Variants in HLTF observed in about 807,000 individuals in gnomAD.
The protein encoded by HLTF is helicase like transcription factor, also known as DNA-dependent ATPase/E3 ubiquitin-protein ligase HLTF.
HLTF carries 127 observed loss-of-function variants against 129.4 expected under a neutral mutation model. That is an observed-to-expected ratio of 0.98 (90% CI 0.85 to 1.14). The LOEUF (loss-of-function observed/expected upper bound fraction) is 1.14. HLTF is among the 50% of genes most tolerant of loss of function. HLTF has a pLI of 0.00. For missense variants in HLTF, 1,139 were observed against 1,187.1 expected (o/e 0.96, Z 0.60); for synonymous variants, 332 against 388.8 (o/e 0.85, Z 1.72).
intron 13 of HLTF, among the ~76,000 whole-genome samples, chr3:149,059,005 GCT>G (rs1717703833): frequency 6.6e-6 from 1 of 152,122 alleles, no homozygotes; most frequent in African/African-American, 2.4e-5. Flanking sequence ...CCAAAAGTCG[GCT>G]CTTTCTCATG....
chr3:149,043,547 GA>G (rs35953851), intron 18 of HLTF, among the ~76,000 whole-genome samples: 6,123 of 83,664 alleles, frequency 0.073, 125 homozygotes, highest in African/African-American at 0.12. Context: ...ACTTCAGAGG[GA>G]AAAAAAAAAA....
At chr3:149,046,004 C>A in intron 18 of HLTF, 76 bp downstream of exon 18, 1 of 1,057,946 alleles carries the variant, frequency 9.5e-7, no homozygotes, top group East Asian at 2.5e-5. Context: ...GCTAACACAT[C>A]TAAATAATGT....
intron 14 of HLTF, among the ~76,000 whole-genome samples, 198 bp downstream of exon 14, chr3:149,055,105 T>G (rs1293163934): frequency 6.6e-6 from 1 of 152,214 alleles, no homozygotes; most frequent in Non-Finnish European, 1.5e-5. Flanking sequence ...CTTTACCTTC[T>G]TCTCTACTAC....
intron 23 of HLTF, among the ~76,000 whole-genome samples, chr3:149,037,701 T>C (rs562913201): frequency 6.6e-6 from 1 of 152,270 alleles, no homozygotes; most frequent in Non-Finnish European, 1.5e-5. Context: ...TCAGTAGAAT[T>C]CCTACATGTT....
intron 13 of HLTF, 144 bp from the exon 14 acceptor site, chr3:149,055,544 A>G (rs528761408): frequency 1.6e-6 from 1 of 609,690 alleles, no homozygotes; most frequent in South Asian, 2.2e-5. Context: ...CAGGGAATAA[A>G]TTTTACCTCA....
At chr3:149,079,599 T>C (rs1576627847) in intron 2 of HLTF, among the ~76,000 whole-genome samples, 1 of 152,002 alleles carries the variant, frequency 6.6e-6, no homozygotes, top group South Asian at 2.1e-4. Flanking sequence ...GGGTTTTCTT[T>C]GTTGTTGTTT....
At chr3:149,052,731 GA>G (rs1446894692) in intron 14 of HLTF, among the ~76,000 whole-genome samples, 2 of 152,162 alleles carry the variant, frequency 1.3e-5, no homozygotes, top group East Asian at 3.8e-4. Flanking sequence ...ATTTCTTATA[GA>G]AATTTGGTAA....
At chr3:149,069,891 A>G (rs922625411) in intron 7 of HLTF, among the ~76,000 whole-genome samples, 3 of 152,254 alleles carry the variant, frequency 2.0e-5, no homozygotes, top group African/African-American at 7.2e-5. Flanking sequence ...CCCAAAATGT[A>G]AATGATTTTC....
intron 2 of HLTF, among the ~76,000 whole-genome samples, chr3:149,082,127 T>C (rs1352372053): frequency 1.3e-5 from 2 of 152,204 alleles, no homozygotes; most frequent in Non-Finnish European, 2.9e-5. Flanking sequence ...TCAATGTATA[T>C]GAAGTTCTAG....
intron 9 of HLTF, 39 bp downstream of exon 9, chr3:149,064,751 AC>A: frequency 8.6e-7 from 1 of 1,164,916 alleles, no homozygotes; most frequent in Non-Finnish European, 1.3e-6. Context: ...ATTAAAGTTT[AC>A]CAGATCAAAT....
rs540805982 is a variant in HLTF at position 149,078,531 on chromosome 3, T to C, written c.229-2484A>G. Reference sequence around the variant, plus strand: ...CGCCACTGCACTCCAGCCTGGGTAATAGAGCAAGAACCTATCTCTAAAAAA... The same window carrying C: ...CGCCACTGCACTCCAGCCTGGGTAACAGAGCAAGAACCTATCTCTAAAAAA... On this transcript the variant is annotated intron_variant, in intron 2 of 24. Coordinates refer to ENST00000310053, the MANE Select transcript of HLTF (RefSeq NM_003071.4). 2.3e-4 allele frequency among the ~76,000 whole-genome samples: 34 copies of C among 148,142 alleles called. No individual in the cohort carries two copies. The South Asian group carries it at 6.3e-3, about 27-fold the overall frequency.
At chr3:149,082,560 G>A (rs911034809) in intron 2 of HLTF, among the ~76,000 whole-genome samples, 1 of 152,074 alleles carries the variant, frequency 6.6e-6, no homozygotes, top group East Asian at 1.9e-4. Flanking sequence ...TGAGGGAGAC[G>A]GATACAATCT....
chr3:149,066,822 G>T (rs9289779), intron 8 of HLTF, among the ~76,000 whole-genome samples: 38,947 of 151,924 alleles, frequency 0.26, 5,932 homozygotes, highest in Middle Eastern at 0.41. Flanking sequence ...ACATTAGGTT[G>T]CTCAGGGTGA....
intron 2 of HLTF, 117 bp downstream of exon 2, chr3:149,084,565 T>C: frequency 1.3e-6 from 1 of 749,110 alleles, no homozygotes; most frequent in East Asian, 2.7e-5. Flanking sequence ...CGTACAAATA[T>C]TTAACTAACT....
intron 1 of HLTF, 78 bp from the exon 2 acceptor site, chr3:149,084,967 C>T: frequency 1.0e-6 from 1 of 969,794 alleles, no homozygotes; most frequent in South Asian, 1.5e-5. Flanking sequence ...TTTTCTCATG[C>T]TTTACTTCAG....
Position 149,046,269 on chromosome 3 carries a change from A to G in HLTF, c.1893-10T>C, listed in dbSNP as rs1160122048. ...TAGGGACTGTAAACGCCTAATCAGA[A>G]TAAAACAAATAATTATGTAACTTTT... On this transcript the variant is annotated splice_polypyrimidine_tract_variant and intron_variant, in intron 17 of 24. Transcript: ENST00000310053. 1 of 1,342,612 alleles carries G rather than the reference A, an allele frequency of 7.4e-7. No homozygotes were observed. Among genetic ancestry groups the G allele is most frequent in the Non-Finnish European group, 1.0e-6 (1 of 970,404 alleles). 83.2% of individuals were successfully genotyped at this position (1,342,612 alleles called of 1,614,324 possible).
Position 149,039,663 on chromosome 3 carries a change from A to G in HLTF, c.2533T>C (p.Leu845=). 6.2e-7 allele frequency: 1 copy of G among 1,607,590 alleles called. No homozygotes were observed. Among genetic ancestry groups the G allele is most frequent in the African/African-American group, 1.3e-5 (1 of 74,822 alleles). ...TTTATGTTGGGATTCTTCTTTCTTA[A>G]GTCAGTCAATGCGTGCATTAGCGCA... The part of the protein sequence containing the change: ...INALMHALTD[L]RKKNPNIKSL... Residue 845 remains leucine, a synonymous_variant, in exon 22 of 25, where the codon TTA becomes CTA. Coordinates refer to ENST00000310053, the MANE Select transcript of HLTF (RefSeq NM_003071.4).
intron 18 of HLTF, among the ~76,000 whole-genome samples, chr3:149,043,595 A>G (rs1716308833): frequency 6.6e-6 from 1 of 151,268 alleles, no homozygotes; most frequent in Non-Finnish European, 1.5e-5. Context: ...GAAACATTCT[A>G]TACAAAATAC....
intron 23 of HLTF, among the ~76,000 whole-genome samples, chr3:149,037,552 C>A (rs1158056811): frequency 6.6e-6 from 1 of 151,734 alleles, no homozygotes; most frequent in Non-Finnish European, 1.5e-5. Flanking sequence ...AGTATGATGA[C>A]CCTAGTTATA....
Sources: allele counts gnomAD v4.1 joint callset (sites outside exome capture counted in the v4.1 genomes callset), GRCh38; gene constraint gnomAD v4.1.1; transcripts MANE v1.5; gene names NCBI Gene and HGNC (gene_info 2026-07-23, HGNC 2026-07-21).